CUX1: variants seen among roughly 807,000 people sequenced by gnomAD.
CUX1 encodes protein CASP.
Under a neutral mutation model 158.8 loss-of-function variants are expected in CUX1, and 31 were observed. That is an observed-to-expected ratio of 0.20 (90% CI 0.15 to 0.26). The LOEUF is 0.26. Among genes scored for constraint, CUX1 ranks in the 10% least tolerant of loss-of-function variants. The pLI is 1.00. For missense variants in CUX1, 1,589 were observed against 2,014.6 expected (o/e 0.79, Z 4.04); for synonymous variants, 879 against 862.1 (o/e 1.02, Z -0.34).
At position 102,201,916 on chromosome 7, in the gene CUX1, CTCG is replaced by C; in HGVS notation, c.2625_2627del (p.Ser876del). 1 of 1,614,030 alleles carries C rather than the reference CTCG, an allele frequency of 6.2e-7. No individual in the cohort carries two copies. Among genetic ancestry groups the C allele is most frequent in the Non-Finnish European group, 8.5e-7 (1 of 1,180,018 alleles). ...CCGAGCGCAGTCAGCTCCAGGGACC[CTCG>C]TCGTCAGAGTACTGGAAGGAGTGGC... On this transcript the variant is annotated inframe_deletion, in exon 18 of 24. Coordinates refer to ENST00000292535, the MANE Select transcript of CUX1 (RefSeq NM_181552.4). The surrounding 1 kb of genome is among the most constrained non-coding windows in gnomAD (Gnocchi z 5.0).
chr7:102,227,503 A>G lies in CUX1; in HGVS notation c.3267A>G (p.Pro1089=). The part of the protein sequence containing the change: ...PPIEASKDSK[P]PEPSDPPASD... ...TCGAGGCGAGCAAGGACAGCAAGCC[A>G]CCAGAGCCCAGTGACCCGCCAGCAT... Residue 1089 remains proline (P), a synonymous_variant, in exon 21 of 24, where the codon CCA becomes CCG. Transcript: ENST00000292535. The G allele has an allele frequency of 6.2e-7, 1 of 1,614,008 alleles. No homozygotes were observed. The highest frequency in any genetic ancestry group is 8.5e-7 in the Non-Finnish European group (1 of 1,179,994).
chr7:101,951,510 C>CTT (rs869310008), intron 2 of CUX1, among the ~76,000 whole-genome samples: 6 of 145,848 alleles, frequency 4.1e-5, no homozygotes, highest in Non-Finnish European at 4.5e-5. Context: ...AGTCTTTTTC[C>CTT]TTTTTTTTTT....
At chr7:101,819,405 A>G (rs1562881079) in intron 1 of CUX1, among the ~76,000 whole-genome samples, 2 of 152,194 alleles carry the variant, frequency 1.3e-5, no homozygotes, top group Non-Finnish European at 2.9e-5. Flanking sequence ...CATTATTCCC[A>G]CATGGTGACC....
intron 1 of CUX1, among the ~76,000 whole-genome samples, chr7:101,820,243 G>A (rs1025614216): frequency 6.6e-6 from 1 of 152,164 alleles, no homozygotes; most frequent in African/African-American, 2.4e-5. Context: ...CCCCAGGAAC[G>A]TCTGTTTTTA....
chr7:101,874,869 G>T, intron 1 of CUX1, among the ~76,000 whole-genome samples: 1 of 152,248 alleles, frequency 6.6e-6, no homozygotes, highest in East Asian at 1.9e-4. Context: ...TCCAGTTTCA[G>T]AGCGTTTGCA....
chr7:102,146,669 C>A (rs1286376324), intron 8 of CUX1, among the ~76,000 whole-genome samples: 1 of 152,074 alleles, frequency 6.6e-6, no homozygotes, highest in African/African-American at 2.4e-5. Context: ...GTGATCTCGG[C>A]TCACTGTAAC....
chr7:102,094,130 A>T (rs1179474589), intron 4 of CUX1, among the ~76,000 whole-genome samples: 2 of 152,218 alleles, frequency 1.3e-5, no homozygotes, highest in African/African-American at 4.8e-5. Context: ...TGCTAGAGTC[A>T]TTATATTGTC....
chr7:101,817,292 C>T, upstream of CUX1: 1 of 984,390 alleles, frequency 1.0e-6, no homozygotes, highest in East Asian at 1.2e-4. The surrounding 1 kb of genome is among the most constrained non-coding windows in gnomAD (Gnocchi z 4.1). Context: ...GCGCCGGGTC[C>T]CTTCCTTGCG....
At chr7:101,898,014 C>T (rs1236126233) in intron 1 of CUX1, among the ~76,000 whole-genome samples, 1 of 152,222 alleles carries the variant, frequency 6.6e-6, no homozygotes, top group African/African-American at 2.4e-5. Flanking sequence ...CCCGGTACCC[C>T]GGTGGGCCTT....
At chr7:102,213,449 C>T (rs1481240916) in intron 20 of CUX1, among the ~76,000 whole-genome samples, 3 of 152,242 alleles carry the variant, frequency 2.0e-5, no homozygotes, top group African/African-American at 7.2e-5. Context: ...AGGCTAGACA[C>T]AGCCGGCGAG....
chr7:102,090,950 A>G (rs1414221165), intron 4 of CUX1, among the ~76,000 whole-genome samples: 1 of 152,198 alleles, frequency 6.6e-6, no homozygotes, highest in Non-Finnish European at 1.5e-5. Flanking sequence ...AACTTGTCCA[A>G]GATTGCACAA....
At chr7:102,162,428 C>CA (rs1187477595) in intron 9 of CUX1, among the ~76,000 whole-genome samples, 1 of 152,134 alleles carries the variant, frequency 6.6e-6, no homozygotes. Flanking sequence ...CATATGGCTC[C>CA]CCATCCTGGG....
chr7:101,835,083 C>A (rs1013263512), intron 1 of CUX1, among the ~76,000 whole-genome samples: 1 of 152,072 alleles, frequency 6.6e-6, no homozygotes, highest in South Asian at 2.1e-4. Context: ...GCAGCCATCA[C>A]CACGATCTAG....
At chr7:102,232,773 C>G (rs1318798656) in intron 21 of CUX1, among the ~76,000 whole-genome samples, 1 of 152,218 alleles carries the variant, frequency 6.6e-6, no homozygotes, top group African/African-American at 2.4e-5. Context: ...GCCCTCTGAT[C>G]AGCCTGTGAA....
chr7:101,871,040 C>T (rs934014288), intron 1 of CUX1, among the ~76,000 whole-genome samples: 4 of 152,198 alleles, frequency 2.6e-5, no homozygotes, highest in Non-Finnish European at 4.4e-5. Flanking sequence ...AGGGCGGACA[C>T]CCCTGTTCCC....
chr7:102,198,986 A>C, intron 16 of CUX1, 119 bp downstream of exon 16: 1 of 900,066 alleles, frequency 1.1e-6, no homozygotes, highest in Non-Finnish European at 1.8e-6. Flanking sequence ...TGATGGAAAA[A>C]CAGCTAGTAA....
intron 1 of CUX1, among the ~76,000 whole-genome samples, chr7:101,912,040 A>C (rs531342615): frequency 6.6e-6 from 1 of 152,220 alleles, no homozygotes; most frequent in African/African-American, 2.4e-5. Flanking sequence ...CTAGCCTGCC[A>C]GCTTCCCATG....
At chr7:102,062,506 C>G (rs984884424) in intron 3 of CUX1, among the ~76,000 whole-genome samples, 1 of 152,112 alleles carries the variant, frequency 6.6e-6, no homozygotes, top group African/African-American at 2.4e-5. Flanking sequence ...TTCCTATAGA[C>G]ATTTGTCTTT....
intron 1 of CUX1, among the ~76,000 whole-genome samples, chr7:101,821,874 A>T (rs1407905274): frequency 6.7e-4 from 34 of 50,426 alleles, no homozygotes; most frequent in African/African-American, 1.6e-3. Context: ...TTTTTTTTTG[A>T]GATGTAGTCT....
Sources: gnomAD v4.1 joint callset for allele counts (sites outside exome capture counted in the v4.1 genomes callset) on GRCh38, gnomAD v4.1.1 for gene constraint, Gnocchi (gnomAD v3.1) non-coding constraint, MANE v1.5 for transcripts, NCBI Gene and HGNC (gene_info 2026-07-23, HGNC 2026-07-21) for gene names.